Variants in CPLX3 observed in about 807,000 individuals in gnomAD.
The protein encoded by CPLX3 is complexin-3.
In CPLX3, 12 loss-of-function variants were observed where a neutral mutation model predicts 17.2. The observed-to-expected ratio is 0.70, with a 90% CI of 0.45 to 1.13. CPLX3 has a LOEUF of 1.13. Among genes scored for constraint, CPLX3 ranks in the 50% most tolerant of loss-of-function variants. The pLI is 0.00. For missense variants in CPLX3, 172 were observed against 203.2 expected (o/e 0.85, Z 0.93); for synonymous variants, 75 against 79.4 (o/e 0.94, Z 0.29).
Position 74,826,858 on chromosome 15 carries a change from T to C in CPLX3, c.155T>C (p.Val52Ala). ...TACGAGGAGTATCAGAAGCAACTCG[T>C]GGAAGAGAAGTGAGTGGGATCCCTT... ...EEYEEYQKQL[V>A]EEKMERDAQF... Residue 52 changes from valine to alanine, a missense_variant, in exon 1 of 3, where the codon GTG becomes GCG. Physicochemically the swap from Val to Ala is moderately conservative, Grantham distance 64 (BLOSUM62 0). Coordinates refer to ENST00000395018, the MANE Select transcript of CPLX3 (RefSeq NM_001030005.3). This position sits in a 1 kb window ranked among gnomAD's most constrained non-coding sequence, Gnocchi z 5.0. 6.3e-7 allele frequency: 1 copy of C among 1,597,914 alleles called. No individual in the cohort carries two copies. Among genetic ancestry groups the C allele is most frequent in the Non-Finnish European group, 8.5e-7 (1 of 1,172,298 alleles).
Position 74,826,889 on chromosome 15 carries a change from C to T in CPLX3, c.164+22C>T. 3 of 1,588,904 alleles carry T rather than the reference C, an allele frequency of 1.9e-6. No homozygotes were observed. The highest frequency in any genetic ancestry group is 1.7e-5 in the Admixed American group (1 of 57,664). On this transcript the variant is annotated intron_variant, in intron 1 of 2. Coordinates refer to ENST00000395018, the MANE Select transcript of CPLX3 (RefSeq NM_001030005.3). The surrounding 1 kb of genome is among the most constrained non-coding windows in gnomAD (Gnocchi z 5.0). ...AGAAGTGAGTGGGATCCCTTCCTGG[C>T]TCCAACGACCTCCCCTCCCCACCCC...
At position 74,830,401 on chromosome 15, in the gene CPLX3, AGAGTGTGT is replaced by A. The variant is rs1238801947; in HGVS notation, c.*48_*55del. The A allele has an allele frequency of 2.0e-6, 3 of 1,492,858 alleles. No individual in the cohort carries two copies. Among genetic ancestry groups the A allele is most frequent in the Non-Finnish European group, 2.8e-6 (3 of 1,087,418 alleles). The allele number at this position is 1,492,858 out of a possible 1,614,324, so 92.5% of individuals were successfully genotyped here. ...CTGGGCTGGGCCCCCATGAGGGCTAAGAGTGTGTCAACTTCCAGGGACCCATACTCCAT... is the reference window on the plus strand; with the variant it reads ...CTGGGCTGGGCCCCCATGAGGGCTAACAACTTCCAGGGACCCATACTCCAT... On this transcript the variant is annotated 3_prime_UTR_variant, in exon 3 of 3. Coordinates refer to ENST00000395018, the MANE Select transcript of CPLX3 (RefSeq NM_001030005.3).
At chr15:74,827,285 G>A (rs116054021) in intron 1 of CPLX3, among the ~76,000 whole-genome samples, 2 of 152,324 alleles carry the variant, frequency 1.3e-5, no homozygotes, top group African/African-American at 2.4e-5. Context: ...TGAGATGGGG[G>A]CACTCACAAA....
chr15:74,830,557 A>G lies in CPLX3; in HGVS notation c.*203A>G. On this transcript the variant is annotated 3_prime_UTR_variant, in exon 3 of 3. Transcript: ENST00000395018. ...AGTCCCCATCTTCACTCTACCCTTC[A>G]GGACCCTCCCCACCAGCTCAGCCTG... 1.8e-6 allele frequency: 1 copy of G among 570,662 alleles called. No individual in the cohort carries two copies. 35.3% of individuals were successfully genotyped at this position (570,662 alleles called of 1,614,324 possible). A position where few individuals can be genotyped will look rare whatever the true frequency, so the allele number is the denominator to read the frequency against.
intron 2 of CPLX3, 116 bp from the exon 3 acceptor site, chr15:74,830,014 G>T (rs989808012): frequency 7.1e-5 from 46 of 652,362 alleles, no homozygotes; most frequent in Middle Eastern, 4.4e-4. Flanking sequence ...AAAAAAAAAA[G>T]AAAAAATAGA....
chr15:74,826,782 G>A lies in CPLX3; in HGVS notation c.79G>A (p.Gly27Arg), dbSNP rs148115670. Residue 27 changes from glycine (G) to arginine (R), a missense_variant, in exon 1 of 3, where the codon GGA (glycine) becomes AGA (arginine). Coordinates refer to ENST00000395018, the MANE Select transcript of CPLX3 (RefSeq NM_001030005.3). This position sits in a 1 kb window ranked among gnomAD's most constrained non-coding sequence, Gnocchi z 5.0. ...GAGCCTGGGAGGCGGCGAGGATAAG[G>A]GAGATGGGGACAAGTCGGCAGCCGA... ...TGSLGGGEDK[G>R]DGDKSAAEAQ... 5.3e-4 allele frequency: 853 copies of A among 1,607,746 alleles called. 2 individuals are homozygous for A. The African/African-American group carries it at 0.011, about 20-fold the overall frequency.
At chr15:74,830,001 A>G in intron 2 of CPLX3, 129 bp from the exon 3 acceptor site, 2 of 619,182 alleles carry the variant, frequency 3.2e-6, no homozygotes, top group South Asian at 4.8e-5. Context: ...GTCTCTACAA[A>G]AAAAAAAAAA....
chr15:74,827,549 C>T (rs185263090), intron 1 of CPLX3, among the ~76,000 whole-genome samples: 39 of 152,342 alleles, frequency 2.6e-4, no homozygotes, highest in Non-Finnish European at 4.6e-4. Flanking sequence ...ATGATAAAGT[C>T]TCATAAATGA....
At chr15:74,830,050 A>G in intron 2 of CPLX3, 80 bp from the exon 3 acceptor site, 1 of 1,076,088 alleles carries the variant, frequency 9.3e-7, no homozygotes. Flanking sequence ...ACCCAGTCCA[A>G]GCCTCCTCCC....
At position 74,826,693 on chromosome 15, in the gene CPLX3, C is replaced by A; in HGVS notation, c.-11C>A. On this transcript the variant is annotated 5_prime_UTR_variant, in exon 1 of 3. Coordinates refer to ENST00000395018, the MANE Select transcript of CPLX3 (RefSeq NM_001030005.3). The surrounding 1 kb of genome is among the most constrained non-coding windows in gnomAD (Gnocchi z 5.0). ...GGTAGCAGGCGCCCGGTGCCCCGGC[C>A]GGCGAAGACCATGGCGTTCATGGTG... 6.3e-7 allele frequency: 1 copy of A among 1,599,864 alleles called. No homozygotes were observed. The highest frequency in any genetic ancestry group is 8.5e-7 in the Non-Finnish European group (1 of 1,174,052).
At position 74,826,954 on chromosome 15, in the gene CPLX3, C is replaced by T; in HGVS notation, c.164+87C>T. 8.2e-7 allele frequency: 1 copy of T among 1,221,870 alleles called. No homozygotes were observed. The highest frequency in any genetic ancestry group is 2.8e-5 in the East Asian group (1 of 35,256). The allele number at this position is 1,221,870 out of a possible 1,614,324, so 75.7% of individuals were successfully genotyped here. A position where few individuals can be genotyped will look rare whatever the true frequency, so the allele number is the denominator to read the frequency against. ...CCATCCCCGGGCCAGCCTCAGGTCC[C>T]AATCCCTTCTCCCCTACTTTCCTAG... On this transcript the variant is annotated intron_variant, in intron 1 of 2. Transcript: ENST00000395018. This position sits in a 1 kb window ranked among gnomAD's most constrained non-coding sequence, Gnocchi z 5.0.
rs750876615 is a variant in CPLX3, at chr15:74,828,074, C to A, written c.205C>A (p.Arg69=). The part of the protein sequence containing the change: ...DAQFTQRKAE[R]ATLRSHFRDK... ...ACAGTTCACACAGAGGAAGGCAGAG[C>A]GGGCCACACTGCGGAGCCACTTCCG... The change falls in exon 2 of 3, where the codon CGG becomes AGG. Residue 69 remains arginine (R), a synonymous_variant. Coordinates refer to ENST00000395018, the MANE Select transcript of CPLX3 (RefSeq NM_001030005.3). The A allele has an allele frequency of 5.0e-6, 8 of 1,607,258 alleles. No homozygotes were observed. In the East Asian group the frequency reaches 1.3e-4, roughly 27 times the overall value.
rs2063965180 is a variant in CPLX3 at position 74,830,682 on chromosome 15, AC to A, written c.*329del. On this transcript the variant is annotated 3_prime_UTR_variant, in exon 3 of 3. Coordinates refer to ENST00000395018, the MANE Select transcript of CPLX3 (RefSeq NM_001030005.3). ...ACCCACAGAGAGACACACACAGGAC[AC>A]AAAACCCCTGGCACGTTCAGAGACA... 3 of 271,430 alleles carry A rather than the reference AC, an allele frequency of 1.1e-5. No individual in the cohort carries two copies. Among genetic ancestry groups the A allele is most frequent in the Admixed American group, 4.9e-5 (1 of 20,618 alleles). The allele number at this position is 271,430 out of a possible 1,614,324, so 16.8% of individuals were successfully genotyped here. A position where few individuals can be genotyped will look rare whatever the true frequency, so the allele number is the denominator to read the frequency against.
chr15:74,830,653 G>GAGCA lies in CPLX3; in HGVS notation c.*300_*303dup. The GAGCA allele has an allele frequency of 2.8e-6, 1 of 354,036 alleles. No homozygotes were observed. Among genetic ancestry groups the GAGCA allele is most frequent in the Non-Finnish European group, 5.3e-6 (1 of 188,270 alleles). The allele number at this position is 354,036 out of a possible 1,614,324, so 21.9% of individuals were successfully genotyped here. A position where few individuals can be genotyped will look rare whatever the true frequency, so the allele number is the denominator to read the frequency against. On this transcript the variant is annotated 3_prime_UTR_variant, in exon 3 of 3. Transcript: ENST00000395018. ...CATGGCCCCAAGTTCCTGCACACAG[G>GAGCA]AGCACCCACAGAGAGACACACACAG...
At chr15:74,827,247 A>G (rs749900695) in intron 1 of CPLX3, among the ~76,000 whole-genome samples, 3 of 152,214 alleles carry the variant, frequency 2.0e-5, no homozygotes, top group Non-Finnish European at 4.4e-5. Context: ...AAAGTGGTGC[A>G]GCCGCTCAGA....
intron 2 of CPLX3, among the ~76,000 whole-genome samples, chr15:74,829,242 C>A (rs780116825): frequency 2.2e-4 from 34 of 152,062 alleles, no homozygotes; most frequent in Non-Finnish European, 1.9e-4. Flanking sequence ...GAGACACCTG[C>A]CATCAGCAAA....
In CPLX3 at chr15:74,828,039, A is replaced by T. The variant is rs1055532388; in HGVS notation, c.170A>T (p.Glu57Val). The T allele has an allele frequency of 6.2e-7, 1 of 1,605,984 alleles. No individual in the cohort carries two copies. The highest frequency in any genetic ancestry group is 2.2e-5 in the East Asian group (1 of 44,620). Residue 57 changes from glutamate to valine, a missense_variant, in exon 2 of 3, where the codon GAG (glutamate) becomes GTG (valine). Physicochemically the swap from Glu to Val is moderately radical, Grantham distance 121. Transcript: ENST00000395018. ...YQKQLVEEKMERDAQFTQRKA... is the reference protein window; with the variant it reads ...YQKQLVEEKMVRDAQFTQRKA... The stretch of plus-strand genomic sequence containing the variant: ...TGCCTCCGGTGACCCTGCAGGATGG[A>T]GCGGGATGCACAGTTCACACAGAGG...
At position 74,830,432 on chromosome 15, in the gene CPLX3, C is replaced by T; in HGVS notation, c.*78C>T. ...TGTCAACTTCCAGGGACCCATACTCCATTTGGGGCTTTGTTTCCCTTGCCC... is the reference window on the plus strand; with the variant it reads ...TGTCAACTTCCAGGGACCCATACTCTATTTGGGGCTTTGTTTCCCTTGCCC... On this transcript the variant is annotated 3_prime_UTR_variant, in exon 3 of 3. Coordinates refer to ENST00000395018, the MANE Select transcript of CPLX3 (RefSeq NM_001030005.3). The T allele has an allele frequency of 1.7e-6, 2 of 1,198,758 alleles. No individual in the cohort carries two copies. The highest frequency in any genetic ancestry group is 2.4e-6 in the Non-Finnish European group (2 of 838,666). The allele number at this position is 1,198,758 out of a possible 1,614,324, so 74.3% of individuals were successfully genotyped here.
rs1210291329 is a variant in CPLX3 at position 74,830,612 on chromosome 15, C to T, written c.*258C>T. 2 of 468,350 alleles carry T rather than the reference C, an allele frequency of 4.3e-6. No homozygotes were observed. The highest frequency in any genetic ancestry group is 2.5e-5 in the South Asian group (1 of 40,424). 29.0% of individuals were successfully genotyped at this position (468,350 alleles called of 1,614,324 possible). A position where few individuals can be genotyped will look rare whatever the true frequency, so the allele number is the denominator to read the frequency against. ...GGCCTCCCAAGATTGTAGGAATAGGCCCATCCCTCTCTGGCCATGGCCCCA... is the reference window on the plus strand; with the variant it reads ...GGCCTCCCAAGATTGTAGGAATAGGTCCATCCCTCTCTGGCCATGGCCCCA... On this transcript the variant is annotated 3_prime_UTR_variant, in exon 3 of 3. Transcript: ENST00000395018.
Sources: allele counts gnomAD v4.1 joint callset (sites outside exome capture counted in the v4.1 genomes callset), GRCh38; gene constraint gnomAD v4.1.1; non-coding constraint Gnocchi (gnomAD v3.1); transcripts MANE v1.5; gene names NCBI Gene and HGNC (gene_info 2026-07-23, HGNC 2026-07-21).